The following SLC9A9 variants were observed in gnomAD, a reference collection of about 807,000 sequenced individuals.
The protein encoded by SLC9A9 is sodium/hydrogen exchanger 9.
Under a neutral mutation model 77.8 loss-of-function variants are expected in SLC9A9, and 62 were observed. The ratio of observed to expected loss-of-function variants is 0.80; its 90% confidence interval spans 0.65 to 0.98. The LOEUF is 0.98. Among genes scored for constraint, SLC9A9 ranks in the 50% least tolerant of loss-of-function variants. The pLI, the probability that SLC9A9 is intolerant of heterozygous loss-of-function variation, is 0.00. For synonymous variants in SLC9A9, 320 were observed against 283.5 expected (o/e 1.13, Z -1.29); for missense variants, 775 against 774.9 (o/e 1.00, Z 0.00).
intron 6 of SLC9A9, among the ~76,000 whole-genome samples, chr3:143,592,890 C>T (rs1422898147): frequency 6.6e-6 from 1 of 152,116 alleles, no homozygotes; most frequent in African/African-American, 2.4e-5. Flanking sequence ...GATCCACTGT[C>T]TGCATATACA....
At chr3:143,780,906 C>CT (rs2007852325) in intron 4 of SLC9A9, among the ~76,000 whole-genome samples, 1 of 152,102 alleles carries the variant, frequency 6.6e-6, no homozygotes, top group Admixed American at 6.5e-5. Flanking sequence ...CATAAATATT[C>CT]TTTTTTAAAT....
At chr3:143,291,845 T>C (rs1026271637) in intron 14 of SLC9A9, among the ~76,000 whole-genome samples, 3 of 152,208 alleles carry the variant, frequency 2.0e-5, no homozygotes, top group African/African-American at 7.2e-5. Context: ...CAATGTCCCT[T>C]TTCTGTTTTA....
rs921208285 is a variant in SLC9A9, at chr3:143,518,144, C to T, written c.1090-22696G>A. ...GCTCTCCACCCACTCCCTCAGGAAG[C>T]GCATTTCCTCGGTGTGCAGAACGCT... On this transcript the variant is annotated intron_variant, in intron 9 of 15. Transcript: ENST00000316549. 54 of 1,600,234 alleles carry T rather than the reference C, an allele frequency of 3.4e-5. No individual in the cohort carries two copies. The Admixed American group carries it at 4.0e-4, about 12-fold the overall frequency.
Position 143,565,547 on chromosome 3 carries a change from A to C in SLC9A9, c.1000+8541T>G, listed in dbSNP as rs185333974. 7.2e-5 allele frequency among the ~76,000 whole-genome samples: 11 copies of C among 152,222 alleles called. No individual in the cohort carries two copies. In the East Asian group the frequency reaches 2.1e-3, roughly 29 times the overall value. On this transcript the variant is annotated intron_variant, in intron 8 of 15. Coordinates refer to ENST00000316549, the MANE Select transcript of SLC9A9 (RefSeq NM_173653.4). ...TTTGGTTCAAGGAAGTGCAGGTGTG[A>C]GTTAATGAGTTATTATGCGAGAAGA...
At chr3:143,341,448 C>A (rs1031177027) in intron 14 of SLC9A9, among the ~76,000 whole-genome samples, 1 of 152,022 alleles carries the variant, frequency 6.6e-6, no homozygotes, top group Non-Finnish European at 1.5e-5. Flanking sequence ...TAAATTTAGA[C>A]CAAGGGATGA....
intron 6 of SLC9A9, among the ~76,000 whole-genome samples, chr3:143,608,742 A>C (rs1366891551): frequency 1.3e-5 from 2 of 152,206 alleles, no homozygotes; most frequent in African/African-American, 4.8e-5. Context: ...ACGCATATGA[A>C]AAACTGGTCA....
At chr3:143,714,629 A>G (rs1406340133) in intron 4 of SLC9A9, among the ~76,000 whole-genome samples, 1 of 152,212 alleles carries the variant, frequency 6.6e-6, no homozygotes, top group Admixed American at 6.5e-5. Context: ...TAGTACGTCA[A>G]ACGCCAAAAT....
At chr3:143,345,484 TG>T (rs1252692016) in intron 14 of SLC9A9, among the ~76,000 whole-genome samples, 2 of 152,204 alleles carry the variant, frequency 1.3e-5, no homozygotes, top group Non-Finnish European at 2.9e-5. Context: ...TTTAGCAATA[TG>T]GTGGTCATTG....
chr3:143,793,617 A>C (rs2008284185), intron 4 of SLC9A9, among the ~76,000 whole-genome samples: 1 of 152,218 alleles, frequency 6.6e-6, no homozygotes, highest in Admixed American at 6.5e-5. Context: ...TTCAAGAGAA[A>C]TTGCTAAAGG....
At chr3:143,546,306 A>C (rs2036787979) in intron 9 of SLC9A9, among the ~76,000 whole-genome samples, 2 of 152,234 alleles carry the variant, frequency 1.3e-5, no homozygotes, top group African/African-American at 4.8e-5. Flanking sequence ...TCTGGGGGGA[A>C]TGGAAATAAA....
intron 14 of SLC9A9, among the ~76,000 whole-genome samples, chr3:143,330,135 C>T (rs1000463761): frequency 1.3e-5 from 2 of 152,156 alleles, no homozygotes; most frequent in Admixed American, 6.5e-5. Flanking sequence ...CGATCACTGC[C>T]GGCCAGAGCA....
chr3:143,628,592 C>T (rs1005441258), intron 6 of SLC9A9, among the ~76,000 whole-genome samples: 2 of 152,050 alleles, frequency 1.3e-5, no homozygotes, highest in African/African-American at 2.4e-5. Flanking sequence ...ACATTGGAGA[C>T]CATCTGTATT....
At chr3:143,825,021 A>G (rs2108883859) in intron 2 of SLC9A9, among the ~76,000 whole-genome samples, 1 of 152,316 alleles carries the variant, frequency 6.6e-6, no homozygotes, top group East Asian at 1.9e-4. Context: ...TGATAGAGAA[A>G]CACAAATCAT....
intron 14 of SLC9A9, among the ~76,000 whole-genome samples, chr3:143,357,175 G>A (rs1468719873): frequency 2.7e-5 from 4 of 146,962 alleles, no homozygotes; most frequent in African/African-American, 9.8e-5. Context: ...AACTACTTGT[G>A]GAGTTATCTT....
intron 14 of SLC9A9, among the ~76,000 whole-genome samples, chr3:143,317,956 T>C (rs1221530145): frequency 6.6e-6 from 1 of 152,164 alleles, no homozygotes; most frequent in Non-Finnish European, 1.5e-5. Context: ...CTCGATCTCC[T>C]GACCTCATGA....
intron 11 of SLC9A9, among the ~76,000 whole-genome samples, chr3:143,481,122 G>C (rs6764301): frequency 6.6e-6 from 1 of 152,030 alleles, no homozygotes; most frequent in Non-Finnish European, 1.5e-5. Context: ...TTCAAGTAGC[G>C]TGCTGGGTGC....
chr3:143,313,879 AC>A (rs1479617740), intron 14 of SLC9A9, among the ~76,000 whole-genome samples: 5 of 152,026 alleles, frequency 3.3e-5, no homozygotes, highest in African/African-American at 1.2e-4. Context: ...AGTATATTTC[AC>A]CTCAATTTCA....
chr3:143,725,329 G>A (rs547390985), intron 4 of SLC9A9, among the ~76,000 whole-genome samples: 306 of 152,026 alleles, frequency 2.0e-3, no homozygotes, highest in African/African-American at 4.2e-3. Flanking sequence ...TCAGTGTGGC[G>A]ATTCCTCAGG....
intron 9 of SLC9A9, among the ~76,000 whole-genome samples, chr3:143,514,901 T>C (rs549969368): frequency 9.5e-4 from 144 of 152,348 alleles, no homozygotes; most frequent in Non-Finnish European, 1.9e-3. Flanking sequence ...TTTAAATTTA[T>C]TTAGAAAACT....
Sources: gnomAD v4.1 joint callset for allele counts (sites outside exome capture counted in the v4.1 genomes callset) on GRCh38, gnomAD v4.1.1 for gene constraint, MANE v1.5 for transcripts, NCBI Gene and HGNC (gene_info 2026-07-23, HGNC 2026-07-21) for gene names.